LRRC37A2: variants seen among roughly 807,000 people sequenced by gnomAD.
The protein encoded by LRRC37A2 is leucine-rich repeat-containing protein 37A2.
A neutral mutation model predicts 68.8 loss-of-function variants in LRRC37A2; 9 were observed. The ratio of observed to expected loss-of-function variants is 0.13; its 90% CI spans 0.08 to 0.23. LRRC37A2 has a LOEUF of 0.23. Among genes scored for constraint, LRRC37A2 ranks in the 10% least tolerant of loss-of-function variants. The probability of loss-of-function intolerance (pLI) is 1.00; values close to 1 mark genes in which losing one functional copy is unlikely to be tolerated. For missense variants in LRRC37A2, 168 were observed against 950.4 expected (o/e 0.18, Z 10.82); for synonymous variants, 63 against 367.6 (o/e 0.17, Z 9.48).
At chr17:46,839,545 T>A in the LRRC37A2 span, among the ~76,000 whole-genome samples, 2 of 152,206 alleles carry the variant, frequency 1.3e-5, no homozygotes, top group Admixed American at 6.5e-5. Flanking sequence ...TATGTTTTTT[T>A]ATTATACTTT....
At chr17:46,960,363 C>A in the LRRC37A2 span, among the ~76,000 whole-genome samples, 7 of 152,186 alleles carry the variant, frequency 4.6e-5, no homozygotes, top group South Asian at 1.5e-3. Context: ...CAAGTGCTGA[C>A]GAGGACATAG....
At chr17:46,730,994 G>A in the LRRC37A2 span, among the ~76,000 whole-genome samples, 37,700 of 151,996 alleles carry the variant, frequency 0.25, 5,836 homozygotes, top group Non-Finnish European at 0.33. Context: ...TAAGCATAGA[G>A]TTACCATATA....
chr17:46,488,751 C>T, the LRRC37A2 span, among the ~76,000 whole-genome samples: 2 of 140,112 alleles, frequency 1.4e-5, no homozygotes, highest in Non-Finnish European at 3.1e-5. Flanking sequence ...GAAACCACCT[C>T]CTCCCCCAAT....
At chr17:46,931,041 T>C in the LRRC37A2 span, 1 of 932,570 alleles carries the variant, frequency 1.1e-6, no homozygotes, top group African/African-American at 1.6e-5. Context: ...GATTTATCAT[T>C]GTAATTTAAG....
the LRRC37A2 span, among the ~76,000 whole-genome samples, chr17:46,865,292 T>A: frequency 6.6e-6 from 1 of 152,198 alleles, no homozygotes; most frequent in Non-Finnish European, 1.5e-5. Flanking sequence ...CCTGAGCACG[T>A]CTCCCTGATG....
At chr17:46,720,416 G>A in the LRRC37A2 span, among the ~76,000 whole-genome samples, 1 of 152,102 alleles carries the variant, frequency 6.6e-6, no homozygotes, top group Non-Finnish European at 1.5e-5. Flanking sequence ...CACGATATGA[G>A]AAAATGTAAG....
the LRRC37A2 span, among the ~76,000 whole-genome samples, chr17:46,500,514 A>G: frequency 4.0e-5 from 6 of 149,754 alleles, no homozygotes; most frequent in Non-Finnish European, 7.4e-5. Context: ...CCTCCACTTC[A>G]GTTTTAGGAA....
chr17:46,851,772 C>T, the LRRC37A2 span: 5 of 938,814 alleles, frequency 5.3e-6, 1 homozygote, highest in Non-Finnish European at 7.0e-6. This position sits in a 1 kb window ranked among gnomAD's most constrained non-coding sequence, Gnocchi z 4.3. Flanking sequence ...CTCCCTCCTG[C>T]GCTACAGCTG....
chr17:46,735,953 G>A, the LRRC37A2 span, among the ~76,000 whole-genome samples: 1 of 152,102 alleles, frequency 6.6e-6, no homozygotes, highest in South Asian at 2.1e-4. Context: ...CTCAAAAAAA[G>A]AATTGCCTTT....
the LRRC37A2 span, among the ~76,000 whole-genome samples, chr17:46,392,213 CT>C: frequency 1.1e-3 from 64 of 59,432 alleles, 1 homozygote; most frequent in Middle Eastern, 8.8e-3. Flanking sequence ...TTTCTTTTTT[CT>C]TTTTTTTTTT....
the LRRC37A2 span, among the ~76,000 whole-genome samples, chr17:46,467,313 TTTTTG>T: frequency 6.6e-5 from 4 of 61,008 alleles, no homozygotes; most frequent in Admixed American, 1.6e-4. Context: ...AATATTGGGT[TTTTTG>T]TTTTGTTTGT....
the LRRC37A2 span, among the ~76,000 whole-genome samples, chr17:47,008,644 T>C: frequency 6.6e-6 from 1 of 151,666 alleles, no homozygotes; most frequent in Non-Finnish European, 1.5e-5. Context: ...TGTTTTGTTT[T>C]GTTTTTTGTA....
At chr17:46,635,445 A>G in the LRRC37A2 span, among the ~76,000 whole-genome samples, 1 of 99,206 alleles carries the variant, frequency 1.0e-5, no homozygotes, top group Middle Eastern at 4.5e-3. Context: ...CTAGAATGTC[A>G]AAGTCATTGT....
At chr17:46,801,551 C>A in the LRRC37A2 span, among the ~76,000 whole-genome samples, 1 of 152,178 alleles carries the variant, frequency 6.6e-6, no homozygotes, top group South Asian at 2.1e-4. Flanking sequence ...ACCTGGGAGG[C>A]GGAGGCTGCA....
the LRRC37A2 span, among the ~76,000 whole-genome samples, chr17:46,783,547 C>T: frequency 6.6e-6 from 1 of 152,234 alleles, no homozygotes; most frequent in African/African-American, 2.4e-5. Context: ...CCTACTAGGT[C>T]TGGGCACTGT....
At chr17:46,952,559 G>A in the LRRC37A2 span, 4 of 152,224 alleles carry the variant, frequency 2.6e-5, no homozygotes, top group African/African-American at 9.6e-5. Context: ...AAGTTGCTGG[G>A]AGAGACTTCT....
At chr17:46,905,824 G>C in the LRRC37A2 span, among the ~76,000 whole-genome samples, 4 of 151,254 alleles carry the variant, frequency 2.6e-5, no homozygotes, top group African/African-American at 9.7e-5. Flanking sequence ...GCGTTTGTTG[G>C]GGGATGGGGT....
the LRRC37A2 span, among the ~76,000 whole-genome samples, chr17:46,968,539 C>T: frequency 6.6e-6 from 1 of 152,270 alleles, no homozygotes; most frequent in Non-Finnish European, 1.5e-5. Context: ...ATGCCAAGCT[C>T]ATCAATCACC....
the LRRC37A2 span, among the ~76,000 whole-genome samples, chr17:47,005,044 T>C: frequency 2.0e-5 from 3 of 152,352 alleles, no homozygotes; most frequent in Admixed American, 6.5e-5. Flanking sequence ...CCAAGGTCCA[T>C]AGGAAGTGGA....
Sources: gnomAD v4.1 joint callset for allele counts (sites outside exome capture counted in the v4.1 genomes callset) on GRCh38, gnomAD v4.1.1 for gene constraint, Gnocchi (gnomAD v3.1) non-coding constraint, MANE v1.5 for transcripts, NCBI Gene and HGNC (gene_info 2026-07-23, HGNC 2026-07-21) for gene names.